Variants in FOCAD observed in about 807,000 individuals in gnomAD.
The protein encoded by FOCAD is focadhesin.
FOCAD carries 198 observed loss-of-function variants against 225.6 expected under a neutral mutation model. The ratio of observed to expected loss-of-function variants is 0.88; its 90% CI spans 0.78 to 0.99. The LOEUF (loss-of-function observed/expected upper bound fraction) is 0.99. FOCAD is among the 50% of genes least tolerant of loss of function. The pLI is 0.00. For synonymous variants in FOCAD, 897 were observed against 755.0 expected (o/e 1.19, Z -3.08); for missense variants, 2,713 against 2,123.6 (o/e 1.28, Z -5.46).
chr9:20,785,768 CCGAGGAGTACAACTG>C (rs1819860077), intron 10 of FOCAD, among the ~76,000 whole-genome samples: 3 of 152,092 alleles, frequency 2.0e-5, no homozygotes, highest in African/African-American at 7.2e-5. Context: ...TGAGTAGATA[CCGAGGAGTACAACTG>C]CTAGGTAAGG....
chr9:20,757,354 C>T lies in FOCAD; in HGVS notation c.393-736C>T, dbSNP rs1189025125. The stretch of plus-strand genomic sequence containing the variant: ...TTATTAGTAGAGTAGCCTTTTTGAA[C>T]TATTTAAAATAACTCATGGTTGTAC... On this transcript the variant is annotated intron_variant, in intron 5 of 43. Transcript: ENST00000338382. 3.3e-5 allele frequency among the ~76,000 whole-genome samples: 5 copies of T among 152,084 alleles called. No individual in the cohort carries two copies. The East Asian group carries it at 9.6e-4, about 29-fold the overall frequency.
intron 1 of FOCAD, among the ~76,000 whole-genome samples, chr9:20,713,589 T>C (rs1252109289): frequency 1.3e-5 from 2 of 152,224 alleles, no homozygotes; most frequent in East Asian, 1.9e-4. Flanking sequence ...TATCTGCTGC[T>C]TTCTACTAGA....
chr9:20,799,668 A>G (rs138262442), intron 11 of FOCAD, among the ~76,000 whole-genome samples: 3,484 of 151,506 alleles, frequency 0.023, 129 homozygotes, highest in African/African-American at 0.08. Context: ...TAGGATTACA[A>G]CCCCTGCCTT....
At chr9:20,822,549 A>G (rs543457036) in intron 14 of FOCAD, among the ~76,000 whole-genome samples, 1 of 152,052 alleles carries the variant, frequency 6.6e-6, no homozygotes, top group East Asian at 1.9e-4. Flanking sequence ...GATAGGTGTA[A>G]CCACCCTAGT....
upstream of FOCAD, among the ~76,000 whole-genome samples, chr9:20,657,875 T>C (rs1056738337): frequency 2.0e-3 from 254 of 125,742 alleles, 2 homozygotes; most frequent in Non-Finnish European, 3.2e-3. Context: ...AGTTTCCCGT[T>C]TTTCTGTTCT....
At chr9:20,846,797 G>A (rs1218062994) in intron 15 of FOCAD, among the ~76,000 whole-genome samples, 1 of 152,112 alleles carries the variant, frequency 6.6e-6, no homozygotes, top group African/African-American at 2.4e-5. Context: ...AAGAGTTAAT[G>A]TAACAGAATG....
At chr9:20,864,801 A>T (rs1829084090) in intron 16 of FOCAD, among the ~76,000 whole-genome samples, 1 of 152,138 alleles carries the variant, frequency 6.6e-6, no homozygotes, top group African/African-American at 2.4e-5. Context: ...ACTAATAAAT[A>T]TAGTCAACCC....
intron 15 of FOCAD, among the ~76,000 whole-genome samples, chr9:20,846,527 CTAA>C (rs768350964): frequency 6.6e-6 from 1 of 152,024 alleles, no homozygotes; most frequent in African/African-American, 2.4e-5. Context: ...CTCTTTAATT[CTAA>C]TATTAGGCCT....
At position 20,990,368 on chromosome 9, in the gene FOCAD, C is replaced by A. The variant is rs768624154; in HGVS notation, c.5250C>A (p.Thr1750=). 1 of 1,613,288 alleles carries A rather than the reference C, an allele frequency of 6.2e-7. No homozygotes were observed. The highest frequency in any genetic ancestry group is 2.2e-5 in the East Asian group (1 of 44,810). ...LLQKEPWKEQ[T]QKFIDWLFSI... The stretch of plus-strand genomic sequence containing the variant: ...AGAAAGAGCCATGGAAGGAACAGAC[C>A]CAGAAGGTGAGGCTGGCAGCCACCT... Residue 1750 remains threonine, a synonymous_variant, in exon 42 of 44, where the codon ACC becomes ACA. Transcript: ENST00000338382.
At chr9:20,923,806 G>A (rs770675537) in intron 25 of FOCAD, 38 bp downstream of exon 25, 29 of 1,505,976 alleles carry the variant, frequency 1.9e-5, no homozygotes, top group African/African-American at 8.3e-5. Context: ...CTTTGATTAT[G>A]TCTTTTTAAG....
intron 5 of FOCAD, among the ~76,000 whole-genome samples, chr9:20,756,230 G>A (rs1440152425): frequency 6.6e-6 from 1 of 152,064 alleles, no homozygotes; most frequent in East Asian, 1.9e-4. Context: ...GTCAGAAATA[G>A]CCTGTGCTTT....
intron 24 of FOCAD, among the ~76,000 whole-genome samples, chr9:20,918,083 G>GTT (rs1374827647): frequency 6.6e-6 from 1 of 152,248 alleles, no homozygotes; most frequent in Non-Finnish European, 1.5e-5. Flanking sequence ...AGAGGGCTCA[G>GTT]TTGCATATCA....
chr9:20,828,139 C>G (rs1360872221), intron 15 of FOCAD, among the ~76,000 whole-genome samples: 1 of 143,092 alleles, frequency 7.0e-6, no homozygotes, highest in African/African-American at 2.6e-5. Context: ...GATGAAAGAG[C>G]AAGACTCTGT....
chr9:20,812,365 A>T (rs1823177338), intron 11 of FOCAD, among the ~76,000 whole-genome samples: 1 of 152,086 alleles, frequency 6.6e-6, no homozygotes, highest in South Asian at 2.1e-4. Context: ...TCTAACCATG[A>T]TGAATAGTAA....
chr9:20,906,636 C>T (rs537424953), intron 21 of FOCAD, among the ~76,000 whole-genome samples: 21 of 152,122 alleles, frequency 1.4e-4, no homozygotes, highest in Admixed American at 7.9e-4. Flanking sequence ...GTGGTGTGCA[C>T]AATTGCTGTG....
chr9:20,892,775 C>A (rs1831731321), intron 21 of FOCAD, among the ~76,000 whole-genome samples: 2 of 152,046 alleles, frequency 1.3e-5, no homozygotes, highest in African/African-American at 4.8e-5. Flanking sequence ...GAGAGAAGTT[C>A]TATGGATGAA....
intron 5 of FOCAD, 59 bp downstream of exon 5, chr9:20,740,399 C>G (rs1586983874): frequency 1.1e-6 from 1 of 948,326 alleles, no homozygotes; most frequent in East Asian, 2.5e-5. Context: ...AAATTATTAA[C>G]TGTGACATGA....
intron 7 of FOCAD, among the ~76,000 whole-genome samples, chr9:20,765,488 A>G (rs1563962683): frequency 1.3e-5 from 2 of 151,444 alleles, no homozygotes; most frequent in Non-Finnish European, 2.9e-5. Context: ...TGAGGATGCA[A>G]AGCCTGGCCA....
intron 15 of FOCAD, among the ~76,000 whole-genome samples, chr9:20,856,703 A>G (rs1362319413): frequency 3.3e-5 from 5 of 151,862 alleles, no homozygotes; most frequent in Non-Finnish European, 5.9e-5. Flanking sequence ...ATGTTTTCTT[A>G]TAGTAGTTTC....
Sources: allele counts gnomAD v4.1 joint callset (sites outside exome capture counted in the v4.1 genomes callset), GRCh38; gene constraint gnomAD v4.1.1; transcripts MANE v1.5; gene names NCBI Gene and HGNC (gene_info 2026-07-23, HGNC 2026-07-21).